Variants in SLCO1B1 observed in about 807,000 individuals in gnomAD.
SLCO1B1 encodes the protein solute carrier organic anion transporter family member 1B1.
Under a neutral mutation model 70.1 loss-of-function variants are expected in SLCO1B1, and 81 were observed. That is an observed-to-expected ratio of 1.16 (90% confidence interval 0.97 to 1.39). The LOEUF (loss-of-function observed/expected upper bound fraction) is 1.39, where lower values mean the gene tolerates loss of function less well. Among genes scored for constraint, SLCO1B1 ranks in the 40% most tolerant of loss-of-function variants. The probability of loss-of-function intolerance (pLI) is 0.00; values close to 1 mark genes in which losing one functional copy is unlikely to be tolerated. For missense variants in SLCO1B1, 895 were observed against 799.6 expected, an observed-to-expected ratio of 1.12 and a Z score of -1.44; for synonymous variants, 283 against 271.5, an observed-to-expected ratio of 1.04 and a Z score of -0.42.
chr12:21,229,032 A>G (rs1565445067), intron 14 of SLCO1B1, among the ~76,000 whole-genome samples: 1 of 152,108 alleles, frequency 6.6e-6, no homozygotes, highest in African/African-American at 2.4e-5. Flanking sequence ...GCATTTACCA[A>G]TGAATACATA....
At chr12:21,233,139 C>T (rs967770281) in intron 14 of SLCO1B1, among the ~76,000 whole-genome samples, 6 of 152,088 alleles carry the variant, frequency 3.9e-5, no homozygotes, top group African/African-American at 1.4e-4. Context: ...CATCTCTGAT[C>T]CACTCAAGAT....
At chr12:21,147,679 T>C (rs1446524545) in intron 2 of SLCO1B1, among the ~76,000 whole-genome samples, 1 of 152,250 alleles carries the variant, frequency 6.6e-6, no homozygotes, top group African/African-American at 2.4e-5. Flanking sequence ...ATCCATTCAA[T>C]TATTGATGGG....
At chr12:21,138,028 A>C (rs1940252479) in intron 1 of SLCO1B1, among the ~76,000 whole-genome samples, 1 of 152,206 alleles carries the variant, frequency 6.6e-6, no homozygotes, top group East Asian at 1.9e-4. Context: ...AATAAATATT[A>C]GTTCCCTTCT....
Position 21,204,454 on chromosome 12 carries a change from C to A in SLCO1B1, c.1332-1414C>A, listed in dbSNP as rs1369803209. ...GGTACAACTTAATTTAACAAAATCC[C>A]TTTGGAACAAGCCCTCAATCTTTTA... On this transcript the variant is annotated intron_variant, in intron 10 of 14. Coordinates refer to ENST00000256958, the MANE Select transcript of SLCO1B1 (RefSeq NM_006446.5). 2.7e-5 allele frequency among the ~76,000 whole-genome samples: 4 copies of A among 150,792 alleles called. No individual in the cohort carries two copies. In the Admixed American group the frequency reaches 2.7e-4, roughly 10 times the overall value.
chr12:21,174,774 T>C lies in SLCO1B1; in HGVS notation c.359+65T>C, dbSNP rs878946267. 8.3e-5 allele frequency: 127 copies of C among 1,527,628 alleles called. 2 individuals are homozygous for C. The South Asian group carries it at 1.4e-3, about 17-fold the overall frequency. 94.6% of individuals were successfully genotyped at this position (1,527,628 alleles called of 1,614,324 possible). ...AGTACCTTGTAAATTAGGAGTAGAA[T>C]TTTATTATTATCCCTTTAAATAGGC... On this transcript the variant is annotated intron_variant, in intron 4 of 14. Coordinates refer to ENST00000256958, the MANE Select transcript of SLCO1B1 (RefSeq NM_006446.5).
At chr12:21,170,677 C>T (rs2417957) in intron 2 of SLCO1B1, among the ~76,000 whole-genome samples, 15,174 of 152,206 alleles carry the variant, frequency 0.1, 1,222 homozygotes, top group South Asian at 0.27. Flanking sequence ...AGTTTTGATA[C>T]TCTTCTACAT....
At position 21,141,591 on chromosome 12, in the gene SLCO1B1, A is replaced by C. The variant is rs1940308996; in HGVS notation, c.17A>C (p.His6Pro). 1.2e-6 allele frequency: 2 copies of C among 1,608,022 alleles called. No individual in the cohort carries two copies. The highest frequency in any genetic ancestry group is 1.7e-6 in the Non-Finnish European group (2 of 1,175,448). ...ATTTCAATCATGGACCAAAATCAAC[A>C]TTTGAATAAAACAGCAGAGGCACAA... MDQNQ[H>P]LNKTAEAQPS... Residue 6 changes from histidine to proline, a missense_variant, in exon 2 of 15, where the codon CAT (histidine) becomes CCT (proline). Transcript: ENST00000256958.
chr12:21,194,979 A>G (rs373636610), intron 7 of SLCO1B1, among the ~76,000 whole-genome samples: 13 of 152,278 alleles, frequency 8.5e-5, no homozygotes, highest in African/African-American at 3.1e-4. Context: ...AAGCAATCAG[A>G]TCTTCTCCTG....
chr12:21,151,245 T>C (rs1173815190), intron 2 of SLCO1B1, among the ~76,000 whole-genome samples: 1 of 152,198 alleles, frequency 6.6e-6, no homozygotes, highest in Non-Finnish European at 1.5e-5. Flanking sequence ...ACCATCATTG[T>C]ATATGCTCTC....
At chr12:21,174,765 G>A (rs1940799081) in intron 4 of SLCO1B1, 56 bp downstream of exon 4, 1 of 1,558,490 alleles carries the variant, frequency 6.4e-7, no homozygotes, top group Admixed American at 1.8e-5. Flanking sequence ...TTGTAAATTA[G>A]GAGTAGAATT....
At chr12:21,200,433 A>T in intron 8 of SLCO1B1, 75 bp from the exon 9 acceptor site, 1 of 963,446 alleles carries the variant, frequency 1.0e-6, no homozygotes, top group East Asian at 2.7e-5. Flanking sequence ...TACATGACTT[A>T]CGTTCACAAA....
rs933198157 is a variant in SLCO1B1, at chr12:21,196,814, C to T, written c.728-132C>T. On this transcript the variant is annotated intron_variant, in intron 7 of 14. Transcript: ENST00000256958. ...AGACTGATCCTAGTCTCAGAGATGA[C>T]AAAAAATTAAAAGAAAAAAATCGTG... The T allele has an allele frequency of 1.1e-5, 10 of 908,852 alleles. No individual in the cohort carries two copies. In the South Asian group the frequency reaches 1.5e-4, roughly 14 times the overall value. The allele number at this position is 908,852 out of a possible 1,614,324, so 56.3% of individuals were successfully genotyped here. A position where few individuals can be genotyped will look rare whatever the true frequency, so the allele number is the denominator to read the frequency against.
At chr12:21,228,361 A>G (rs1326912882) in intron 14 of SLCO1B1, among the ~76,000 whole-genome samples, 1 of 152,292 alleles carries the variant, frequency 6.6e-6, no homozygotes, top group Non-Finnish European at 1.5e-5. Flanking sequence ...CAGATTGAAG[A>G]TATTACTCTA....
chr12:21,174,831 T>G, intron 4 of SLCO1B1, 122 bp downstream of exon 4: 6 of 884,790 alleles, frequency 6.8e-6, no homozygotes, highest in Non-Finnish European at 8.8e-6. Context: ...CCACTAAGTG[T>G]GTACAGAAAT....
intron 14 of SLCO1B1, among the ~76,000 whole-genome samples, chr12:21,235,053 A>T (rs1591753074): frequency 6.7e-6 from 1 of 149,696 alleles, no homozygotes; most frequent in South Asian, 2.1e-4. Context: ...TATTAGATCC[A>T]CTTGGTAAAG....
chr12:21,237,357 C>T (rs1159748620), intron 14 of SLCO1B1, among the ~76,000 whole-genome samples: 3 of 152,060 alleles, frequency 2.0e-5, no homozygotes, highest in Non-Finnish European at 4.4e-5. Flanking sequence ...AAGAATTTCA[C>T]AGAGTACAGA....
At chr12:21,205,796 C>T in intron 10 of SLCO1B1, 72 bp from the exon 11 acceptor site, 3 of 1,110,750 alleles carry the variant, frequency 2.7e-6, no homozygotes, top group Non-Finnish European at 4.0e-6. Flanking sequence ...TTTACTTCTT[C>T]CTTCTCCTCC....
intron 7 of SLCO1B1, among the ~76,000 whole-genome samples, chr12:21,189,980 A>T (rs1415461306): frequency 6.6e-6 from 1 of 152,150 alleles, no homozygotes; most frequent in African/African-American, 2.4e-5. Flanking sequence ...AATTGTAATT[A>T]TGTATGCTTT....
At chr12:21,208,045 C>T (rs1293275593) in intron 11 of SLCO1B1, among the ~76,000 whole-genome samples, 1 of 151,802 alleles carries the variant, frequency 6.6e-6, no homozygotes, top group Non-Finnish European at 1.5e-5. Flanking sequence ...GATATTAGTC[C>T]TGTGTTAGAT....
Sources: gnomAD v4.1 joint callset for allele counts (sites outside exome capture counted in the v4.1 genomes callset) on GRCh38, gnomAD v4.1.1 for gene constraint, MANE v1.5 for transcripts, NCBI Gene and HGNC (gene_info 2026-07-23, HGNC 2026-07-21) for gene names.